IQSEC1: variants seen among roughly 807,000 people sequenced by gnomAD.
The protein encoded by IQSEC1 is IQ motif and Sec7 domain ArfGEF 1.
A neutral mutation model predicts 91.0 loss-of-function variants in IQSEC1; 31 were observed. That is an observed-to-expected ratio of 0.34 (90% CI 0.26 to 0.46). The LOEUF is 0.46. IQSEC1 is among the 20% of genes least tolerant of loss of function. The pLI is 1.00. For synonymous variants in IQSEC1, 699 were observed against 662.6 expected, an observed-to-expected ratio of 1.05 and a Z score of -0.84; for missense variants, 1,388 against 1,575.6, an observed-to-expected ratio of 0.88 and a Z score of 2.02.
rs1346027690 is a variant in IQSEC1, at chr3:13,100,285, CTTG to C, written c.303-52766_303-52764del. ...GAAGAATTGGCTGGCTCCTTCCTCT[CTTG>C]TTACCACACTCTTCCTACATCTAGG... On this transcript the variant is annotated intron_variant, in intron 2 of 15. Transcript: ENST00000648114. Among the ~76,000 whole-genome samples the C allele has an allele frequency of 2.0e-5, 3 of 148,460 alleles. No individual in the cohort carries two copies. The South Asian group carries it at 6.3e-4, about 31-fold the overall frequency.
rs1702427872 is a variant in IQSEC1 at position 13,001,619 on chromosome 3, G to C, written c.24-59754C>G. ...CCTGCAGCATGCTTTTGTTAAAATG[G>C]GGGAGGAGTTTTCGTCTTCACGAAA... On this transcript the variant is annotated intron_variant, in intron 1 of 13. Coordinates refer to ENST00000613206, the MANE Select transcript of IQSEC1 (RefSeq NM_001134382.3). Among the ~76,000 whole-genome samples the C allele has an allele frequency of 2.6e-5, 4 of 152,358 alleles. No homozygotes were observed. The South Asian group carries it at 8.3e-4, about 32-fold the overall frequency.
At chr3:13,012,336 T>C (rs747325007) in intron 1 of IQSEC1, among the ~76,000 whole-genome samples, 1 of 152,112 alleles carries the variant, frequency 6.6e-6, no homozygotes, top group Non-Finnish European at 1.5e-5. Flanking sequence ...GCTCCTAAAA[T>C]CTAGCTCATC....
chr3:12,980,085 G>A (rs1301295337), intron 1 of IQSEC1, among the ~76,000 whole-genome samples: 2 of 152,168 alleles, frequency 1.3e-5, no homozygotes, highest in East Asian at 1.9e-4. Flanking sequence ...AAGGAGAGGC[G>A]CTTGGGCCCA....
intron 9 of IQSEC1, among the ~76,000 whole-genome samples, chr3:12,912,766 C>T (rs1424178178): frequency 6.6e-6 from 1 of 152,164 alleles, no homozygotes; most frequent in Admixed American, 6.5e-5. Flanking sequence ...ACAAGCTCTC[C>T]CTTCTCTCTG....
At chr3:13,116,568 A>G (rs564103029) in intron 2 of IQSEC1, among the ~76,000 whole-genome samples, 2 of 152,306 alleles carry the variant, frequency 1.3e-5, no homozygotes, top group Non-Finnish European at 2.9e-5. Context: ...AAAAGATGCA[A>G]AAGAATGAAG....
rs1696902114 is a variant in IQSEC1, at chr3:12,924,174, C to T, written c.1730+407G>A. Among the ~76,000 whole-genome samples, 1 of 152,164 alleles carries T rather than the reference C, an allele frequency of 6.6e-6. No individual in the cohort carries two copies. The highest frequency in any genetic ancestry group is 1.5e-5 in the Non-Finnish European group (1 of 68,030). On this transcript the variant is annotated intron_variant, in intron 4 of 13. Transcript: ENST00000613206. The surrounding 1 kb of genome is among the most constrained non-coding windows in gnomAD (Gnocchi z 6.3). ...CCATGCAGGAGGACAACAGCCAGGCCAGGGGAAGAGGCCCTGACGTCCAGC... is the reference window on the plus strand; with the variant it reads ...CCATGCAGGAGGACAACAGCCAGGCTAGGGGAAGAGGCCCTGACGTCCAGC...
intron 1 of IQSEC1, among the ~76,000 whole-genome samples, chr3:13,058,643 C>A (rs765024732): frequency 6.6e-6 from 1 of 152,190 alleles, no homozygotes; most frequent in Non-Finnish European, 1.5e-5. Context: ...GGAGAACCCA[C>A]CCCCAGCCTG....
At chr3:13,004,247 G>C (rs1702541192) in intron 1 of IQSEC1, among the ~76,000 whole-genome samples, 1 of 152,204 alleles carries the variant, frequency 6.6e-6, no homozygotes, top group African/African-American at 2.4e-5. Context: ...GGTAGGGTGA[G>C]AGCATGTGTC....
At chr3:12,949,146 C>CA (rs1194591802) in intron 1 of IQSEC1, among the ~76,000 whole-genome samples, 1 of 152,224 alleles carries the variant, frequency 6.6e-6, no homozygotes, top group Admixed American at 6.5e-5. Context: ...GAGTATAAGA[C>CA]AGAGTTGTGT....
At chr3:13,026,064 T>C (rs546809905) in intron 1 of IQSEC1, among the ~76,000 whole-genome samples, 4 of 152,366 alleles carry the variant, frequency 2.6e-5, no homozygotes, top group African/African-American at 9.6e-5. Context: ...TCCTGGTTCC[T>C]GACGGGGTGG....
chr3:13,094,987 T>A (rs934679056), intron 2 of IQSEC1, among the ~76,000 whole-genome samples: 5 of 152,112 alleles, frequency 3.3e-5, no homozygotes, highest in African/African-American at 9.7e-5. Context: ...TGCGGTTTTG[T>A]TCGGTGGTGA....
chr3:13,017,101 C>A (rs544057581), intron 1 of IQSEC1, among the ~76,000 whole-genome samples: 13 of 152,336 alleles, frequency 8.5e-5, no homozygotes, highest in Middle Eastern at 3.4e-3. Flanking sequence ...TATGGACAGA[C>A]CACATTGTGT....
At chr3:13,171,433 T>C (rs1693609446) in intron 1 of IQSEC1, among the ~76,000 whole-genome samples, 1 of 152,184 alleles carries the variant, frequency 6.6e-6, no homozygotes, top group Non-Finnish European at 1.5e-5. Context: ...GTTCTTTCTC[T>C]AAAGGATCCA....
intron 1 of IQSEC1, among the ~76,000 whole-genome samples, chr3:13,192,215 G>T (rs1694047493): frequency 6.6e-6 from 1 of 152,064 alleles, no homozygotes. Flanking sequence ...GCGGGCGCCT[G>T]TAGTCCCAGC....
At chr3:13,180,789 T>C (rs1483783652) in intron 1 of IQSEC1, among the ~76,000 whole-genome samples, 3 of 142,848 alleles carry the variant, frequency 2.1e-5, no homozygotes, top group Admixed American at 1.4e-4. Context: ...CGCAAAGGTC[T>C]GAAGCTTCAC....
intron 1 of IQSEC1, among the ~76,000 whole-genome samples, chr3:12,955,423 G>A (rs1699839625): frequency 1.3e-5 from 2 of 152,216 alleles, no homozygotes; most frequent in African/African-American, 2.4e-5. Context: ...CACTTGGGCC[G>A]AGAGCCAGCT....
In IQSEC1 at chr3:12,899,776, T is replaced by G; in HGVS notation, c.*1207A>C. Reference sequence around the variant, plus strand: ...AGTCAACCTTCAGGTTCGAGAGTGGTTCCTGATGAAAACACTCTCTGAGGG... The same window carrying G: ...AGTCAACCTTCAGGTTCGAGAGTGGGTCCTGATGAAAACACTCTCTGAGGG... On this transcript the variant is annotated 3_prime_UTR_variant, in exon 14 of 14. Coordinates refer to ENST00000613206, the MANE Select transcript of IQSEC1 (RefSeq NM_001134382.3). The G allele has an allele frequency of 1.0e-6, 1 of 985,344 alleles. No individual in the cohort carries two copies. The highest frequency in any genetic ancestry group is 1.2e-6 in the Non-Finnish European group (1 of 829,902). 61.0% of individuals were successfully genotyped at this position (985,344 alleles called of 1,614,324 possible).
At chr3:12,951,292 G>A (rs1045176191) in intron 1 of IQSEC1, among the ~76,000 whole-genome samples, 1 of 152,090 alleles carries the variant, frequency 6.6e-6, no homozygotes, top group Admixed American at 6.6e-5. Context: ...GTGTGGTGGC[G>A]CAAGCATGTA....
chr3:13,276,350 A>AGG (rs777454935), intron 1 of IQSEC1, among the ~76,000 whole-genome samples: 3 of 152,022 alleles, frequency 2.0e-5, no homozygotes, highest in Non-Finnish European at 2.9e-5. Flanking sequence ...GGCCTCCCAA[A>AGG]GTGCTGGGAT....
Sources: allele counts gnomAD v4.1 joint callset (sites outside exome capture counted in the v4.1 genomes callset), GRCh38; gene constraint gnomAD v4.1.1; non-coding constraint Gnocchi (gnomAD v3.1); transcripts MANE v1.5; gene names NCBI Gene and HGNC (gene_info 2026-07-23, HGNC 2026-07-21).